The following DOCK4 variants were observed in gnomAD, a reference collection of about 807,000 sequenced individuals.
The protein encoded by DOCK4 is dedicator of cytokinesis protein 4.
Under a neutral mutation model 268.1 loss-of-function variants are expected in DOCK4, and 97 were observed. That is an observed-to-expected ratio of 0.36 (90% confidence interval 0.31 to 0.43). The LOEUF (loss-of-function observed/expected upper bound fraction) is 0.43, where lower values mean the gene tolerates loss of function less well. Among genes scored for constraint, DOCK4 ranks in the 20% least tolerant of loss-of-function variants. DOCK4 has a pLI of 1.00. For synonymous variants in DOCK4, 954 were observed against 887.2 expected, an observed-to-expected ratio of 1.08 and a Z score of -1.34; for missense variants, 2,145 against 2,455.7, an observed-to-expected ratio of 0.87 and a Z score of 2.67.
chr7:112,103,348 G>A (rs974212762), intron 1 of DOCK4, among the ~76,000 whole-genome samples: 2 of 152,086 alleles, frequency 1.3e-5, no homozygotes, highest in Non-Finnish European at 2.9e-5. Flanking sequence ...AATGAGAACT[G>A]GAGCCCGGAG....
At chr7:111,995,633 G>C (rs1799898766) in intron 4 of DOCK4, among the ~76,000 whole-genome samples, 1 of 152,050 alleles carries the variant, frequency 6.6e-6, no homozygotes, top group Non-Finnish European at 1.5e-5. Context: ...AATGATCAAG[G>C]GGAAATTACT....
chr7:112,096,894 G>T (rs935646394), intron 1 of DOCK4, among the ~76,000 whole-genome samples: 2 of 152,200 alleles, frequency 1.3e-5, no homozygotes, highest in African/African-American at 4.8e-5. Context: ...AAAGGTAGCA[G>T]AGAAGTAGGC....
At chr7:111,933,503 G>A (rs1006930433) in intron 12 of DOCK4, among the ~76,000 whole-genome samples, 2 of 151,454 alleles carry the variant, frequency 1.3e-5, no homozygotes, top group African/African-American at 4.9e-5. Context: ...CACCATGTTT[G>A]CCAGGATGGT....
At chr7:112,049,792 G>T (rs766368396) in intron 1 of DOCK4, among the ~76,000 whole-genome samples, 1 of 152,082 alleles carries the variant, frequency 6.6e-6, no homozygotes, top group Non-Finnish European at 1.5e-5. Flanking sequence ...TCATCAAGGG[G>T]ACCTACCAAT....
intron 1 of DOCK4, among the ~76,000 whole-genome samples, chr7:112,005,966 T>C (rs1170713463): frequency 1.3e-5 from 2 of 152,218 alleles, no homozygotes; most frequent in East Asian, 3.8e-4. Flanking sequence ...CACACTCATT[T>C]TGCCTTCCAG....
chr7:111,869,462 T>A (rs1239480836), intron 21 of DOCK4, 112 bp downstream of exon 21: 1 of 899,772 alleles, frequency 1.1e-6, no homozygotes, highest in Non-Finnish European at 1.8e-6. Flanking sequence ...TGAATTGGAA[T>A]GTCAGTAATA....
intron 6 of DOCK4, among the ~76,000 whole-genome samples, chr7:111,988,542 A>G (rs1456483339): frequency 6.6e-6 from 1 of 152,206 alleles, no homozygotes; most frequent in Non-Finnish European, 1.5e-5. Context: ...GACTAATCAC[A>G]GCAATAATAA....
At chr7:111,790,676 A>C (rs754353154) in intron 30 of DOCK4, 71 bp from the exon 31 acceptor site, 76 of 1,432,016 alleles carry the variant, frequency 5.3e-5, no homozygotes, top group Non-Finnish European at 7.0e-5. Flanking sequence ...AATATCATAA[A>C]ATTTGTTTAA....
At chr7:112,106,296 C>A (rs562478052) in intron 1 of DOCK4, among the ~76,000 whole-genome samples, 3 of 152,168 alleles carry the variant, frequency 2.0e-5, no homozygotes, top group African/African-American at 4.8e-5. Context: ...TTCTAAACCA[C>A]GGATGAGGAC....
intron 23 of DOCK4, among the ~76,000 whole-genome samples, chr7:111,853,419 G>A (rs1335637879): frequency 1.3e-5 from 2 of 152,212 alleles, no homozygotes; most frequent in African/African-American, 4.8e-5. Context: ...ATGTAGCAGA[G>A]CTGCTGACTA....
chr7:112,179,621 T>C (rs1818851938), intron 1 of DOCK4, among the ~76,000 whole-genome samples: 1 of 151,996 alleles, frequency 6.6e-6, no homozygotes, highest in African/African-American at 2.4e-5. Flanking sequence ...AGAACACAGC[T>C]GCTTCAAAAG....
chr7:111,905,040 G>A (rs1791447897), intron 13 of DOCK4, among the ~76,000 whole-genome samples: 1 of 152,114 alleles, frequency 6.6e-6, no homozygotes, highest in Non-Finnish European at 1.5e-5. Flanking sequence ...CACTTCTCCT[G>A]GACGACATTC....
At chr7:112,008,234 T>C (rs1324290896) in intron 1 of DOCK4, among the ~76,000 whole-genome samples, 3 of 152,236 alleles carry the variant, frequency 2.0e-5, no homozygotes, top group Non-Finnish European at 2.9e-5. Context: ...GCTGTGGTGA[T>C]GTGTTCATCT....
Position 111,977,122 on chromosome 7 carries a change from G to T in DOCK4, c.701+10C>A, listed in dbSNP as rs180757592. On this transcript the variant is annotated intron_variant, in intron 8 of 52. Coordinates refer to ENST00000428084, the MANE Select transcript of DOCK4 (RefSeq NM_001363540.2). ...TAAGACATTGAAACCCTATCTCCAC[G>T]TGCAGGTACCTGATTGGCCGGTTCT... The T allele has an allele frequency of 1.2e-6, 2 of 1,612,710 alleles. No individual in the cohort carries two copies. Among genetic ancestry groups the T allele is most frequent in the Non-Finnish European group, 1.7e-6 (2 of 1,179,382 alleles).
rs374481903 is a variant in DOCK4 at position 111,863,453 on chromosome 7, G to A, written c.2392C>T (p.Leu798=). ...QDTLGSLPTI[L]HVDDSLQAIK... is the part of the protein sequence containing the mutation. ...GCCTGCAGGGAATCATCCACATGCA[G>A]GATGGTCGGCAGACTGCCCAGGGTG... Residue 798 remains leucine, a synonymous_variant, in exon 23 of 53, where the codon CTG becomes TTG. Transcript: ENST00000428084. 9.5e-5 allele frequency: 153 copies of A among 1,613,894 alleles called. No homozygotes were observed. Among genetic ancestry groups the A allele is most frequent in the Non-Finnish European group, 1.2e-4 (146 of 1,179,902 alleles).
intron 39 of DOCK4, among the ~76,000 whole-genome samples, chr7:111,762,762 C>CTTTTTTGTTTTTTTTT (rs1797507836): frequency 1.6e-5 from 1 of 63,068 alleles, no homozygotes; most frequent in Non-Finnish European, 3.0e-5. Flanking sequence ...GTTTTGTTTT[C>CTTTTTTGTTTTTTTTT]TTTTTTTTTT....
Position 111,900,505 on chromosome 7 carries a change from G to T in DOCK4, c.1349C>A (p.Pro450Gln). Residue 450 changes from proline (P) to glutamine (Q), a missense_variant, in exon 15 of 53, where the codon CCA becomes CAA. Physicochemically the swap from Pro to Gln is moderately conservative, Grantham distance 76 (BLOSUM62 -1). Around this residue, in one of 2 missense-constraint regions of DOCK4, gnomAD observed 1,598 missense variants for 1,986.7 expected, o/e 0.80. Coordinates refer to ENST00000428084, the MANE Select transcript of DOCK4 (RefSeq NM_001363540.2). Reference protein sequence around the residue: ...DFISFGSGEPPASEYHSFVLY... With the variant: ...DFISFGSGEPQASEYHSFVLY... ...CACAAAGGAGTGGTACTCACTGGCT[G>T]GTGGCTCCCCAGAGCCGAAGGAGAT... The T allele has an allele frequency of 1.9e-6, 3 of 1,612,550 alleles. No individual in the cohort carries two copies. Among genetic ancestry groups the T allele is most frequent in the Non-Finnish European group, 2.5e-6 (3 of 1,179,354 alleles).
intron 8 of DOCK4, among the ~76,000 whole-genome samples, chr7:111,970,289 T>C (rs1395439407): frequency 6.6e-6 from 1 of 151,838 alleles, no homozygotes; most frequent in Non-Finnish European, 1.5e-5. Context: ...CTCCACCACA[T>C]GTGAGCTGTA....
intron 1 of DOCK4, among the ~76,000 whole-genome samples, chr7:112,012,245 T>G (rs1398172743): frequency 6.6e-6 from 1 of 152,140 alleles, no homozygotes; most frequent in Non-Finnish European, 1.5e-5. Context: ...GTTATTACAG[T>G]TTCTTGGAAA....
Sources: gnomAD v4.1 joint callset for allele counts (sites outside exome capture counted in the v4.1 genomes callset) on GRCh38, gnomAD v4.1.1 for gene constraint, gnomAD v4.1.1 regional missense constraint, MANE v1.5 for transcripts, NCBI Gene and HGNC (gene_info 2026-07-23, HGNC 2026-07-21) for gene names.